The following SLC35F1 variants were observed in gnomAD, a reference collection of about 807,000 sequenced individuals.
SLC35F1 encodes solute carrier family 35 member F1.
Under a neutral mutation model 48.7 loss-of-function variants are expected in SLC35F1, and 14 were observed. The ratio of observed to expected loss-of-function variants is 0.29; its 90% confidence interval spans 0.19 to 0.45. The LOEUF (loss-of-function observed/expected upper bound fraction) is 0.45. Among genes scored for constraint, SLC35F1 ranks in the 20% least tolerant of loss-of-function variants. SLC35F1 has a pLI of 1.00. For synonymous variants in SLC35F1, 190 were observed against 202.2 expected (o/e 0.94, Z 0.51); for missense variants, 404 against 500.0 (o/e 0.81, Z 1.83).
rs1475966801 is a variant in SLC35F1 at position 118,000,747 on chromosome 6, T to A, written c.173+92848T>A. On this transcript the variant is annotated intron_variant, in intron 1 of 7. Transcript: ENST00000360388. The stretch of plus-strand genomic sequence containing the variant: ...CCTTAAGCTGATAAGCAACTTCAGC[T>A]AAGTCTCAGGATACAAAATCAATGT... 7.2e-5 allele frequency among the ~76,000 whole-genome samples: 11 copies of A among 152,318 alleles called. No individual in the cohort carries two copies. In the East Asian group the frequency reaches 1.4e-3, roughly 19 times the overall value.
chr6:118,017,834 A>T (rs1164978973), intron 1 of SLC35F1, among the ~76,000 whole-genome samples: 3 of 152,212 alleles, frequency 2.0e-5, no homozygotes, highest in Non-Finnish European at 4.4e-5. Flanking sequence ...ATTTTAAAAA[A>T]TGCATAAAGA....
intron 1 of SLC35F1, among the ~76,000 whole-genome samples, chr6:117,952,020 A>G (rs542473250): frequency 2.0e-5 from 3 of 152,376 alleles, no homozygotes; most frequent in Non-Finnish European, 2.9e-5. Flanking sequence ...AGCCTGCCTC[A>G]TGCTGTGTCC....
intron 7 of SLC35F1, among the ~76,000 whole-genome samples, chr6:118,298,188 C>A (rs1470545744): frequency 2.0e-5 from 3 of 152,118 alleles, no homozygotes; most frequent in African/African-American, 7.2e-5. Context: ...TATAAATTAT[C>A]CAGTCTCAGA....
At chr6:118,147,841 C>T (rs1022021308) in intron 1 of SLC35F1, among the ~76,000 whole-genome samples, 1 of 152,100 alleles carries the variant, frequency 6.6e-6, no homozygotes, top group African/African-American at 2.4e-5. Context: ...AAATGGATAC[C>T]ATGGAGCCAA....
At chr6:118,119,620 C>T (rs1773527296) in intron 1 of SLC35F1, among the ~76,000 whole-genome samples, 1 of 151,532 alleles carries the variant, frequency 6.6e-6, no homozygotes, top group South Asian at 2.1e-4. Context: ...TCTCCTGCCT[C>T]AGCCTCCTGA....
chr6:118,291,242 TACACACACACACACACACACACACACAC>T (rs10603708), intron 7 of SLC35F1, among the ~76,000 whole-genome samples: 2 of 148,598 alleles, frequency 1.3e-5, no homozygotes, highest in African/African-American at 5.0e-5. Flanking sequence ...GTATCATGTA[TACACACACACACACACACACACACACAC>T]ACACACACAC....
intron 1 of SLC35F1, among the ~76,000 whole-genome samples, chr6:117,908,353 C>G (rs936573981): frequency 1.3e-5 from 2 of 152,190 alleles, no homozygotes; most frequent in Admixed American, 6.5e-5. Flanking sequence ...CGCCCCGCCC[C>G]GCCCGGGGGC....
chr6:118,123,052 T>A (rs1200258728), intron 1 of SLC35F1, among the ~76,000 whole-genome samples: 1 of 152,128 alleles, frequency 6.6e-6, no homozygotes, highest in Admixed American at 6.6e-5. Context: ...CTTTCAATTA[T>A]GAGATGCTGA....
intron 7 of SLC35F1, among the ~76,000 whole-genome samples, chr6:118,300,384 C>T (rs1776242215): frequency 6.6e-6 from 1 of 152,170 alleles, no homozygotes; most frequent in Admixed American, 6.5e-5. Flanking sequence ...ACCAATTCCC[C>T]ATGGATACTG....
At chr6:118,035,845 C>A (rs1414117534) in intron 1 of SLC35F1, among the ~76,000 whole-genome samples, 1 of 146,692 alleles carries the variant, frequency 6.8e-6, no homozygotes, top group African/African-American at 2.5e-5. Context: ...CCCCCCCAAC[C>A]ACGCCCGGCT....
At chr6:118,092,068 G>GA (rs1435948069) in intron 1 of SLC35F1, among the ~76,000 whole-genome samples, 7 of 152,096 alleles carry the variant, frequency 4.6e-5, no homozygotes, top group Admixed American at 6.5e-5. Context: ...CAGTAGAAAA[G>GA]AAAAAACCGT....
chr6:117,928,120 G>A (rs1562240584), intron 1 of SLC35F1, among the ~76,000 whole-genome samples: 3 of 152,064 alleles, frequency 2.0e-5, no homozygotes, highest in Admixed American at 2.0e-4. Flanking sequence ...TGTTTTCTGA[G>A]TAGAAAAGGG....
chr6:118,081,291 T>C (rs903813006), intron 1 of SLC35F1, among the ~76,000 whole-genome samples: 2 of 152,088 alleles, frequency 1.3e-5, no homozygotes, highest in African/African-American at 4.8e-5. Context: ...ATGATGAAAT[T>C]AAATAGCTGT....
chr6:118,081,084 C>A (rs117732151), intron 1 of SLC35F1, among the ~76,000 whole-genome samples: 1 of 152,090 alleles, frequency 6.6e-6, no homozygotes, highest in Non-Finnish European at 1.5e-5. Context: ...AAGCTCAGAG[C>A]GTCACATTAA....
intron 1 of SLC35F1, among the ~76,000 whole-genome samples, chr6:118,076,433 C>T (rs571470061): frequency 2.0e-5 from 3 of 152,172 alleles, no homozygotes; most frequent in East Asian, 1.9e-4. Context: ...TTCTACAGGC[C>T]GTACAGGAGG....
At chr6:117,923,619 GTATA>G (rs72262523) in intron 1 of SLC35F1, among the ~76,000 whole-genome samples, 292 of 18,014 alleles carry the variant, frequency 0.016, 69 homozygotes, top group South Asian at 0.062. Context: ...ATATACATAT[GTATA>G]TATACATATA....
chr6:118,125,539 T>A (rs1773612720), intron 1 of SLC35F1, among the ~76,000 whole-genome samples: 1 of 152,206 alleles, frequency 6.6e-6, no homozygotes, highest in Admixed American at 6.5e-5. Context: ...TTTGTGAGCA[T>A]ATACTAAGTA....
At chr6:118,105,425 T>C (rs77272941) in intron 1 of SLC35F1, among the ~76,000 whole-genome samples, 1,906 of 152,338 alleles carry the variant, frequency 0.013, 35 homozygotes, top group African/African-American at 0.043. Context: ...GTGGACCTTG[T>C]TACCACCATC....
intron 1 of SLC35F1, among the ~76,000 whole-genome samples, chr6:117,952,288 T>C (rs1411934606): frequency 6.6e-6 from 1 of 152,094 alleles, no homozygotes; most frequent in African/African-American, 2.4e-5. Flanking sequence ...TTTAAGTTTG[T>C]TTTTAATTAG....
Sources: allele counts gnomAD v4.1 joint callset (sites outside exome capture counted in the v4.1 genomes callset), GRCh38; gene constraint gnomAD v4.1.1; transcripts MANE v1.5; gene names NCBI Gene and HGNC (gene_info 2026-07-23, HGNC 2026-07-21).